Variants in VTI1A observed in about 807,000 individuals in gnomAD.
VTI1A encodes the protein vesicle transport through interaction with t-SNAREs 1A.
Under a neutral mutation model 34.9 loss-of-function variants are expected in VTI1A, and 22 were observed. The observed-to-expected ratio is 0.63, with a 90% CI of 0.45 to 0.90. The LOEUF is 0.90. VTI1A is among the 40% of genes least tolerant of loss of function. VTI1A has a pLI of 0.00. For synonymous variants in VTI1A, 87 were observed against 97.3 expected (o/e 0.89, Z 0.62); for missense variants, 268 against 275.6 (o/e 0.97, Z 0.20).
intron 7 of VTI1A, among the ~76,000 whole-genome samples, chr10:112,809,444 G>A (rs904402690): frequency 4.6e-5 from 7 of 152,194 alleles, no homozygotes; most frequent in African/African-American, 1.7e-4. Context: ...AATTGTTACT[G>A]TTCTGTCAGA....
At chr10:112,637,096 T>C (rs1408095031) in intron 5 of VTI1A, among the ~76,000 whole-genome samples, 1 of 152,198 alleles carries the variant, frequency 6.6e-6, no homozygotes, top group Non-Finnish European at 1.5e-5. Context: ...ATGGTTCCAA[T>C]AGAAACATTA....
At chr10:112,558,033 A>AT (rs1851594564) in intron 5 of VTI1A, among the ~76,000 whole-genome samples, 1 of 152,210 alleles carries the variant, frequency 6.6e-6, no homozygotes. Flanking sequence ...GAAAATACGC[A>AT]TGCACGTGTG....
intron 3 of VTI1A, among the ~76,000 whole-genome samples, chr10:112,470,221 A>G (rs1170047817): frequency 6.6e-6 from 1 of 152,212 alleles, no homozygotes; most frequent in Admixed American, 6.5e-5. Context: ...ATAATTTTAT[A>G]TATCAGAGAA....
At chr10:112,745,155 A>G (rs558787566) in intron 7 of VTI1A, among the ~76,000 whole-genome samples, 2 of 152,114 alleles carry the variant, frequency 1.3e-5, no homozygotes, top group East Asian at 3.9e-4. Flanking sequence ...TCTTCACCTA[A>G]TAATTATTTT....
At position 112,759,218 on chromosome 10, in the gene VTI1A, A is replaced by G. The variant is rs574758210; in HGVS notation, c.561-56072A>G. 3.9e-5 allele frequency among the ~76,000 whole-genome samples: 6 copies of G among 152,146 alleles called. No individual in the cohort carries two copies. In the East Asian group the frequency reaches 5.8e-4, roughly 15 times the overall value. ...GATGTGGAGAGGTGTGACTGGAGAAACTCCAGGACCCTTCACCAGAGGAAG... is the reference window on the plus strand; with the variant it reads ...GATGTGGAGAGGTGTGACTGGAGAAGCTCCAGGACCCTTCACCAGAGGAAG... On this transcript the variant is annotated intron_variant, in intron 7 of 7. Coordinates refer to ENST00000393077, the MANE Select transcript of VTI1A (RefSeq NM_145206.4).
intron 7 of VTI1A, among the ~76,000 whole-genome samples, chr10:112,719,013 A>T (rs902907306): frequency 6.6e-6 from 1 of 152,160 alleles, no homozygotes; most frequent in Non-Finnish European, 1.5e-5. Context: ...TTTCAATATG[A>T]ACCTTTTTTT....
chr10:112,762,318 G>T (rs538417401), intron 7 of VTI1A, among the ~76,000 whole-genome samples: 1 of 152,274 alleles, frequency 6.6e-6, no homozygotes, highest in South Asian at 2.1e-4. Context: ...AGTGAAATCA[G>T]GGGTGAAGTT....
At position 112,678,875 on chromosome 10, in the gene VTI1A, G is replaced by A. The variant is rs116503234; in HGVS notation, c.560+9877G>A. Among the ~76,000 whole-genome samples the A allele has an allele frequency of 4.7e-3, 720 of 152,294 alleles. 3 individuals are homozygous for A. The highest frequency in any genetic ancestry group is 0.016 in the African/African-American group (675 of 41,572). ...CGAGTTATAGATATACATCACAAACGCAGGAGGACAAAAGGGGATTTCATC... is the reference window on the plus strand; with the variant it reads ...CGAGTTATAGATATACATCACAAACACAGGAGGACAAAAGGGGATTTCATC... On this transcript the variant is annotated intron_variant, in intron 7 of 7. Coordinates refer to ENST00000393077, the MANE Select transcript of VTI1A (RefSeq NM_145206.4).
At chr10:112,737,932 C>T (rs1191128136) in intron 7 of VTI1A, 2 of 1,060,466 alleles carry the variant, frequency 1.9e-6, no homozygotes, top group East Asian at 5.0e-5. Context: ...GGTATGTCCC[C>T]TCTAGGCACA....
At chr10:112,561,394 A>G (rs1851720565) in intron 5 of VTI1A, among the ~76,000 whole-genome samples, 1 of 152,200 alleles carries the variant, frequency 6.6e-6, no homozygotes, top group African/African-American at 2.4e-5. Flanking sequence ...TCATTGGAAT[A>G]TAATGTTTGT....
chr10:112,621,407 G>C (rs1394314949), intron 5 of VTI1A, among the ~76,000 whole-genome samples: 1 of 152,202 alleles, frequency 6.6e-6, no homozygotes, highest in Non-Finnish European at 1.5e-5. Context: ...GGGGGGAAAT[G>C]TTGGACTTAG....
chr10:112,520,866 A>G (rs1850000292), intron 3 of VTI1A, among the ~76,000 whole-genome samples: 1 of 152,002 alleles, frequency 6.6e-6, no homozygotes, highest in East Asian at 1.9e-4. Flanking sequence ...TAAAAAGACA[A>G]AATTTTTTAA....
At chr10:112,807,498 CTT>C (rs978151355) in intron 7 of VTI1A, among the ~76,000 whole-genome samples, 2 of 152,284 alleles carry the variant, frequency 1.3e-5, no homozygotes, top group African/African-American at 4.8e-5. Flanking sequence ...TTTGTCCTCT[CTT>C]AAGGACACCA....
intron 3 of VTI1A, among the ~76,000 whole-genome samples, chr10:112,494,571 C>A (rs934001093): frequency 4.1e-4 from 62 of 152,132 alleles, no homozygotes; most frequent in Admixed American, 1.4e-3. Flanking sequence ...TGCAGTGGCG[C>A]CATCTCAGCT....
At chr10:112,569,277 G>T (rs1433299071) in intron 5 of VTI1A, among the ~76,000 whole-genome samples, 1 of 152,120 alleles carries the variant, frequency 6.6e-6, no homozygotes, top group Non-Finnish European at 1.5e-5. Flanking sequence ...TGTGATCCAG[G>T]CATACACTTC....
At chr10:112,492,891 A>G (rs763932261) in intron 3 of VTI1A, among the ~76,000 whole-genome samples, 2 of 152,216 alleles carry the variant, frequency 1.3e-5, no homozygotes, top group Admixed American at 6.6e-5. Context: ...TTGTTCAAAC[A>G]TAACCGTAAT....
intron 7 of VTI1A, among the ~76,000 whole-genome samples, chr10:112,811,712 A>AAAAAAAGAT (rs67154330): frequency 0.042 from 3,550 of 84,002 alleles, 1,177 homozygotes; most frequent in African/African-American, 0.093. Context: ...AAAAAAAAAA[A>AAAAAAAGAT]GAGTGCAGTC....
chr10:112,713,710 C>T (rs1301144644), intron 7 of VTI1A, among the ~76,000 whole-genome samples: 1 of 152,228 alleles, frequency 6.6e-6, no homozygotes, highest in East Asian at 1.9e-4. Context: ...TCAGGCTATG[C>T]CTTTATCAAT....
At chr10:112,451,256 A>G (rs1847228066) in intron 1 of VTI1A, among the ~76,000 whole-genome samples, 1 of 152,212 alleles carries the variant, frequency 6.6e-6, no homozygotes. Context: ...TAATAATTTC[A>G]ACCTTATAAT....
Sources: allele counts gnomAD v4.1 joint callset (sites outside exome capture counted in the v4.1 genomes callset), GRCh38; gene constraint gnomAD v4.1.1; transcripts MANE v1.5; gene names NCBI Gene and HGNC (gene_info 2026-07-23, HGNC 2026-07-21).